Variants in TEKTL1 observed in about 807,000 individuals in gnomAD.
TEKTL1 encodes the protein tektin-like protein 1.
the TEKTL1 span, among the ~76,000 whole-genome samples, chr19:15,014,959 G>A: frequency 7.9e-5 from 12 of 152,238 alleles, no homozygotes; most frequent in African/African-American, 2.9e-4. Flanking sequence ...CAAGGCAGGA[G>A]GATTGCTTCT....
chr19:15,013,352 G>A, the TEKTL1 span, among the ~76,000 whole-genome samples: 20 of 152,112 alleles, frequency 1.3e-4, no homozygotes, highest in Non-Finnish European at 2.4e-4. Context: ...GGGGTGCCCA[G>A]CTCCCAGCCT....
At chr19:15,011,308 C>A in the TEKTL1 span, 1 of 1,523,496 alleles carries the variant, frequency 6.6e-7, no homozygotes, top group Non-Finnish European at 8.8e-7. Context: ...GCGAGGTCAC[C>A]GACCACAGGC....
the TEKTL1 span, among the ~76,000 whole-genome samples, chr19:15,018,447 G>A: frequency 2.0e-5 from 3 of 151,520 alleles, no homozygotes; most frequent in Non-Finnish European, 4.4e-5. Context: ...AGCAGCTCGC[G>A]CCTGTAATTC....
the TEKTL1 span, chr19:15,020,451 C>T: frequency 6.2e-7 from 1 of 1,611,528 alleles, no homozygotes; most frequent in Admixed American, 1.7e-5. Context: ...CTCCTCCCCT[C>T]CCCACCCAGA....
the TEKTL1 span, chr19:15,020,736 T>C: frequency 3.2e-6 from 4 of 1,249,098 alleles, no homozygotes; most frequent in Non-Finnish European, 4.5e-6. Context: ...GTCGCCCACT[T>C]AGCTGTCCCT....
At chr19:15,011,336 G>A in the TEKTL1 span, 2 of 1,490,482 alleles carry the variant, frequency 1.3e-6, no homozygotes, top group Middle Eastern at 1.8e-4. Flanking sequence ...AGTGCGCAAG[G>A]GTCTGCTTAT....
chr19:15,013,813 G>T, the TEKTL1 span: 2 of 1,406,088 alleles, frequency 1.4e-6, no homozygotes, highest in South Asian at 1.2e-5. Flanking sequence ...GGGGGCTGGA[G>T]GGGGATCCCT....
chr19:15,011,334 AG>A, the TEKTL1 span: 10 of 1,500,476 alleles, frequency 6.7e-6, no homozygotes, highest in Non-Finnish European at 8.0e-6. Context: ...GAAGTGCGCA[AG>A]GGTCTGCTTA....
At chr19:15,011,154 C>T in the TEKTL1 span, 3 of 1,528,216 alleles carry the variant, frequency 2.0e-6, no homozygotes, top group Non-Finnish European at 2.6e-6. Flanking sequence ...GCCCGCCTGC[C>T]GCTACCCTTG....
At chr19:15,014,847 G>T in the TEKTL1 span, among the ~76,000 whole-genome samples, 1 of 151,996 alleles carries the variant, frequency 6.6e-6, no homozygotes, top group African/African-American at 2.4e-5. Context: ...CTTCCAGGAA[G>T]TCGGAGGCAG....
the TEKTL1 span, among the ~76,000 whole-genome samples, chr19:15,017,676 T>C: frequency 7.8e-3 from 1,188 of 152,156 alleles, 18 homozygotes; most frequent in African/African-American, 0.027. Flanking sequence ...CTCTCCATGT[T>C]ACAGTGGGGA....
At chr19:15,020,113 G>A in the TEKTL1 span, among the ~76,000 whole-genome samples, 1 of 151,584 alleles carries the variant, frequency 6.6e-6, no homozygotes, top group Non-Finnish European at 1.5e-5. Context: ...TTCAAGACCA[G>A]CCTAGACAAC....
At chr19:15,019,055 C>G in the TEKTL1 span, among the ~76,000 whole-genome samples, 1 of 151,822 alleles carries the variant, frequency 6.6e-6, no homozygotes. Context: ...CTCAGGTGAC[C>G]CCCCCACCTC....
chr19:15,014,901 A>G, the TEKTL1 span, among the ~76,000 whole-genome samples: 4 of 152,318 alleles, frequency 2.6e-5, no homozygotes, highest in Admixed American at 2.6e-4. Context: ...GCAAAGGGCT[A>G]TAAAGAGGGA....
the TEKTL1 span, chr19:15,022,936 G>A: frequency 4.0e-4 from 645 of 1,611,232 alleles, 2 homozygotes; most frequent in African/African-American, 7.7e-3. Flanking sequence ...TGCTCGCCAC[G>A]CACAAGAACC....
chr19:15,013,369 G>A, the TEKTL1 span, among the ~76,000 whole-genome samples: 9 of 152,120 alleles, frequency 5.9e-5, no homozygotes, highest in Non-Finnish European at 1.0e-4. Flanking sequence ...GCCTCAGGGG[G>A]TGAGAACAAC....
chr19:15,017,347 A>G, the TEKTL1 span, among the ~76,000 whole-genome samples: 1 of 151,598 alleles, frequency 6.6e-6, no homozygotes, highest in Non-Finnish European at 1.5e-5. Context: ...AATATTTTAT[A>G]TCTTGATGGA....
chr19:15,013,608 G>A, the TEKTL1 span: 1 of 1,285,652 alleles, frequency 7.8e-7, no homozygotes, highest in African/African-American at 1.5e-5. Context: ...CTACCACCCT[G>A]GAAAGAGGAA....
chr19:15,021,712 G>T, the TEKTL1 span: 3 of 1,613,876 alleles, frequency 1.9e-6, no homozygotes, highest in East Asian at 2.2e-5. Context: ...TCTCATCAAG[G>T]TACGGTTCGG....
Sources: gnomAD v4.1 joint callset for allele counts (sites outside exome capture counted in the v4.1 genomes callset) on GRCh38, gnomAD v4.1.1 for gene constraint, MANE v1.5 for transcripts, NCBI Gene and HGNC (gene_info 2026-07-23, HGNC 2026-07-21) for gene names.